The following NXF1 variants were observed in gnomAD, a reference collection of about 807,000 sequenced individuals.
NXF1 encodes mRNA export factor TAP.
In NXF1, 43 loss-of-function variants were observed where a neutral mutation model predicts 92.4. The observed-to-expected ratio is 0.47, with a 90% CI of 0.36 to 0.60. The LOEUF (loss-of-function observed/expected upper bound fraction) is 0.60, where lower values mean the gene tolerates loss of function less well. Ranked by LOEUF, NXF1 falls within the 20% of genes least tolerant of loss-of-function variation. The pLI is 0.00. For synonymous variants in NXF1, 288 were observed against 292.2 expected, an observed-to-expected ratio of 0.99 and a Z score of 0.15; for missense variants, 576 against 793.0, an observed-to-expected ratio of 0.73 and a Z score of 3.29.
At chr11:62,794,625 G>A (rs1476046544) in intron 18 of NXF1, 185 bp from the exon 19 acceptor site, 2 of 611,284 alleles carry the variant, frequency 3.3e-6, no homozygotes, top group Admixed American at 5.9e-5. Flanking sequence ...AAACACACTA[G>A]GGTTCTCCCA....
At chr11:62,795,999 C>G in intron 16 of NXF1, 56 bp from the exon 17 acceptor site, 2 of 1,609,544 alleles carry the variant, frequency 1.2e-6, no homozygotes, top group East Asian at 2.2e-5. Flanking sequence ...TGAGTGCCCC[C>G]CCTTGCCTAT....
At position 62,805,012 on chromosome 11, in the gene NXF1, A is replaced by G. The variant is rs184728477; in HGVS notation, c.28+317T>C. ...CATCAGGGCAGCCCACGAGCAGGGC[A>G]CTCACTCACATTAAAGGAAGAGTCA... On this transcript the variant is annotated intron_variant, in intron 1 of 20. Transcript: ENST00000294172. The G allele has an allele frequency of 1.3e-3, 372 of 293,792 alleles. 4 individuals carry two copies. The highest frequency in any genetic ancestry group is 7.7e-3 in the African/African-American group (347 of 45,328). The allele number at this position is 293,792 out of a possible 1,614,324, so 18.2% of individuals were successfully genotyped here.
chr11:62,801,438 G>A (rs1420046066), intron 7 of NXF1, 21 bp from the exon 8 acceptor site: 6 of 1,613,486 alleles, frequency 3.7e-6, no homozygotes, highest in Non-Finnish European at 5.1e-6. Flanking sequence ...CAGAAGGGAA[G>A]GAAAGGGAAG....
chr11:62,792,687 T>C lies in NXF1; in HGVS notation c.1775A>G (p.Asn592Ser), dbSNP rs755300276. The C allele has an allele frequency of 6.2e-7, 1 of 1,614,214 alleles. No homozygotes were observed. Among genetic ancestry groups the C allele is most frequent in the Non-Finnish European group, 8.5e-7 (1 of 1,180,038 alleles). ...LEWSQKCLQD[N>S]NWDYTRSAQA... ...GGCAGATCTGGTGTAGTCCCAGTTG[T>C]TGTCCTGAAGGCACCTGGAGTGGAA... The change falls in exon 20 of 21, where the codon AAC (asparagine) becomes AGC (serine). Residue 592 changes from asparagine to serine, a missense_variant. Asn to Ser is a conservative substitution (Grantham distance 46, BLOSUM62 1). Coordinates refer to ENST00000294172, the MANE Select transcript of NXF1 (RefSeq NM_006362.5).
chr11:62,800,690 A>G (rs566343621), intron 9 of NXF1, among the ~76,000 whole-genome samples: 2 of 150,564 alleles, frequency 1.3e-5, no homozygotes, highest in South Asian at 4.2e-4. Flanking sequence ...GCAGCCTCAA[A>G]CTCCTGGACT....
In NXF1 at chr11:62,803,528, T is replaced by C; in HGVS notation, c.260A>G (p.His87Arg). The change falls in exon 3 of 21, where the codon CAT becomes CGT. Residue 87 changes from histidine to arginine, a missense_variant. By Grantham distance (29) the His-to-Arg change is conservative. Coordinates refer to ENST00000294172, the MANE Select transcript of NXF1 (RefSeq NM_006362.5). ...AGTAACATGAATGCGATCTCGATCA[T>C]GCCAAGTATCACCCCGACGGTTAGG... ...TRPNRRGDTW[H>R]DRDRIHVTVR... 3.7e-6 allele frequency: 6 copies of C among 1,614,084 alleles called. No individual in the cohort carries two copies. Among genetic ancestry groups the C allele is most frequent in the Non-Finnish European group, 5.1e-6 (6 of 1,180,020 alleles).
At chr11:62,798,737 C>G (rs1413033108) in intron 10 of NXF1, 162 bp from the exon 11 acceptor site, 12 of 1,431,898 alleles carry the variant, frequency 8.4e-6, no homozygotes, top group South Asian at 1.5e-5. Context: ...CCCCACTCCC[C>G]ACCTGACCCG....
At chr11:62,798,898 G>T in intron 10 of NXF1, 1 of 1,135,388 alleles carries the variant, frequency 8.8e-7, no homozygotes. Context: ...CACCTGTGCA[G>T]CCCCGGGAGG....
chr11:62,799,210 T>A lies in NXF1; in HGVS notation c.1017-635A>T, dbSNP rs536935308. 1.9e-4 allele frequency: 189 copies of A among 985,340 alleles called. No individual in the cohort carries two copies. The African/African-American group carries it at 2.8e-3, about 15-fold the overall frequency. The allele number at this position is 985,340 out of a possible 1,614,324, so 61.0% of individuals were successfully genotyped here. On this transcript the variant is annotated intron_variant, in intron 10 of 20. Coordinates refer to ENST00000294172, the MANE Select transcript of NXF1 (RefSeq NM_006362.5). ...GAAAGAACTACAAGGCAAAAAAGCA[T>A]CTAGAAAAATGAGGGAGAAAAGGGA...
intron 3 of NXF1, among the ~76,000 whole-genome samples, chr11:62,803,077 T>C (rs1338128885): frequency 8.5e-5 from 13 of 152,078 alleles, no homozygotes; most frequent in South Asian, 8.3e-4. Context: ...TCCCAGCACT[T>C]TGGGGGGCCA....
chr11:62,802,461 G>A (rs2084489676), intron 3 of NXF1, among the ~76,000 whole-genome samples: 1 of 152,098 alleles, frequency 6.6e-6, no homozygotes, highest in African/African-American at 2.4e-5. Context: ...CTTAGTAACA[G>A]GGCCTCACTC....
Position 62,797,250 on chromosome 11 carries a change from C to T in NXF1, c.1123-12G>A. On this transcript the variant is annotated splice_polypyrimidine_tract_variant and intron_variant, in intron 12 of 20. Transcript: ENST00000294172. ...CCAAAATAGCTTCCCTGAAATCAAA[C>T]AGGTATTAGGAACATGGAAGCAGTA... 6.2e-7 allele frequency: 1 copy of T among 1,614,120 alleles called. No individual in the cohort carries two copies. The highest frequency in any genetic ancestry group is 8.5e-7 in the Non-Finnish European group (1 of 1,179,990).
intron 10 of NXF1, 90 bp from the exon 11 acceptor site, chr11:62,798,665 C>G (rs1178922212): frequency 6.3e-7 from 1 of 1,587,772 alleles, no homozygotes; most frequent in African/African-American, 1.4e-5. Flanking sequence ...ACCCGAGGGA[C>G]AGCCCATCCC....
At position 62,794,287 on chromosome 11, in the gene NXF1, C is replaced by T. The variant is rs368363885; in HGVS notation, c.1731G>A (p.Gln577=). ...GGGACCACTCGAGGTTCATGCCAGA[C>T]TGGGTAGAGAATGCTTGCAACATTT... ...QQEMLQAFST[Q]SGMNLEWSQK... The change falls in exon 19 of 21, where the codon CAG becomes CAA. Residue 577 remains glutamine (Q), a synonymous_variant. Coordinates refer to ENST00000294172, the MANE Select transcript of NXF1 (RefSeq NM_006362.5). 1 of 1,613,904 alleles carries T rather than the reference C, an allele frequency of 6.2e-7. No individual in the cohort carries two copies. Among genetic ancestry groups the T allele is most frequent in the African/African-American group, 1.3e-5 (1 of 74,932 alleles).
chr11:62,792,472 A>G lies in NXF1; in HGVS notation c.*4T>C. 6.2e-7 allele frequency: 1 copy of G among 1,614,224 alleles called. No homozygotes were observed. Among genetic ancestry groups the G allele is most frequent in the Non-Finnish European group, 8.5e-7 (1 of 1,180,026 alleles). ...GGGGGACTGCTTCTGAGGCATGACT[A>G]CGATCACTTCATGAATGCCACTTCT... On this transcript the variant is annotated 3_prime_UTR_variant, in exon 21 of 21. Transcript: ENST00000294172.
Position 62,801,815 on chromosome 11 carries a change from G to C in NXF1, c.563C>G (p.Ser188Cys). The C allele has an allele frequency of 1.2e-6, 2 of 1,613,306 alleles. No homozygotes were observed. The highest frequency in any genetic ancestry group is 1.7e-6 in the Non-Finnish European group (2 of 1,179,460). ...KILDRENRRI[S>C]IIINSSAPPH... ...TGGAGCAGAAGAGTTGATGATGATAGATATCTGGAGGGAAGACACAGAGGG... is the reference window on the plus strand; with the variant it reads ...TGGAGCAGAAGAGTTGATGATGATACATATCTGGAGGGAAGACACAGAGGG... The change falls in exon 6 of 21, where the codon TCT (serine) becomes TGT (cysteine). Residue 188 changes from serine (S) to cysteine (C), a missense_variant. Physicochemically the swap from Ser to Cys is moderately radical, Grantham distance 112. This residue lies in a region of NXF1 where 425 missense variants were observed against 635.2 expected (regional missense o/e 0.67). Transcript: ENST00000294172.
At chr11:62,800,234 G>C in intron 10 of NXF1, 143 bp downstream of exon 10, 2 of 1,469,366 alleles carry the variant, frequency 1.4e-6, no homozygotes, top group Non-Finnish European at 1.8e-6. Context: ...AGACCAAAGT[G>C]GGGAGCACGC....
Position 62,805,410 on chromosome 11 carries a change from A to G in NXF1, c.-54T>C, listed in dbSNP as rs1157083675. Reference sequence around the variant, plus strand: ...GGCGCTGGCCGCTACGCCGGCAAACAACCTAACTCCCAAGCGCTCAGGACC... The same window carrying G: ...GGCGCTGGCCGCTACGCCGGCAAACGACCTAACTCCCAAGCGCTCAGGACC... On this transcript the variant is annotated 5_prime_UTR_variant, in exon 1 of 21. Coordinates refer to ENST00000294172, the MANE Select transcript of NXF1 (RefSeq NM_006362.5). The G allele has an allele frequency of 2.5e-6, 4 of 1,606,148 alleles. No individual in the cohort carries two copies. Among genetic ancestry groups the G allele is most frequent in the African/African-American group, 2.7e-5 (2 of 74,402 alleles).
chr11:62,801,869 G>A (rs376131089), intron 5 of NXF1, 50 bp from the exon 6 acceptor site: 41 of 1,601,214 alleles, frequency 2.6e-5, no homozygotes, highest in South Asian at 8.8e-5. Flanking sequence ...AGCCTAAGCC[G>A]CAAGAACAAG....
Sources: gnomAD v4.1 joint callset for allele counts (sites outside exome capture counted in the v4.1 genomes callset) on GRCh38, gnomAD v4.1.1 for gene constraint, gnomAD v4.1.1 regional missense constraint, MANE v1.5 for transcripts, NCBI Gene and HGNC (gene_info 2026-07-23, HGNC 2026-07-21) for gene names.